Variants in ALS2CL observed in about 807,000 individuals in gnomAD.
ALS2CL encodes ALS2 C-terminal-like protein.
ALS2CL carries 112 observed loss-of-function variants against 127.9 expected under a neutral mutation model. That is an observed-to-expected ratio of 0.88 (90% CI 0.75 to 1.02). ALS2CL has a LOEUF of 1.02. Among genes scored for constraint, ALS2CL ranks in the 50% least tolerant of loss-of-function variants. ALS2CL has a pLI of 0.00. For synonymous variants in ALS2CL, 519 were observed against 527.6 expected (o/e 0.98, Z 0.22); for missense variants, 1,174 against 1,236.7 (o/e 0.95, Z 0.76).
intron 13 of ALS2CL, 114 bp from the exon 14 acceptor site, chr3:46,680,655 T>C: frequency 3.6e-6 from 3 of 833,392 alleles, no homozygotes; most frequent in South Asian, 1.6e-5. Context: ...TGACATCACC[T>C]GAATCCACTC....
chr3:46,688,805 C>A (rs1026088670), intron 2 of ALS2CL, among the ~76,000 whole-genome samples: 6 of 152,352 alleles, frequency 3.9e-5, no homozygotes, highest in African/African-American at 1.4e-4. Flanking sequence ...TAGGTGGGAG[C>A]AAGATGAAAA....
At chr3:46,692,072 G>A (rs189985510) in intron 1 of ALS2CL, among the ~76,000 whole-genome samples, 82 of 152,230 alleles carry the variant, frequency 5.4e-4, no homozygotes, top group Non-Finnish European at 1.0e-3. Flanking sequence ...ATAACCCTGG[G>A]AAACTGAGTC....
intron 19 of ALS2CL, 102 bp from the exon 20 acceptor site, chr3:46,675,788 G>T: frequency 6.3e-7 from 1 of 1,582,518 alleles, no homozygotes. Flanking sequence ...TCTCAGAACT[G>T]TGGACATGGC....
intron 25 of ALS2CL, 67 bp downstream of exon 25, chr3:46,671,421 G>A: frequency 1.2e-6 from 2 of 1,602,486 alleles, no homozygotes; most frequent in Non-Finnish European, 1.7e-6. Context: ...TGATGTCTGG[G>A]AAGGGAAAAG....
chr3:46,679,569 G>T (rs970894272), intron 14 of ALS2CL: 114 of 234,782 alleles, frequency 4.9e-4, no homozygotes, highest in African/African-American at 2.4e-3. Flanking sequence ...GGGAGCTCAA[G>T]AAATGTGGGG....
chr3:46,681,479 C>T lies in ALS2CL; in HGVS notation c.1274+21G>A, dbSNP rs775466488. On this transcript the variant is annotated intron_variant, in intron 12 of 25. Transcript: ENST00000318962. The surrounding 1 kb of genome is among the most constrained non-coding windows in gnomAD (Gnocchi z 4.9). ...CAGAGGATGGGCCCAGCCCATGAACCCCCCAGCCAGGGTCACTTACTCACA... is the reference window on the plus strand; with the variant it reads ...CAGAGGATGGGCCCAGCCCATGAACTCCCCAGCCAGGGTCACTTACTCACA... 9 of 1,613,874 alleles carry T rather than the reference C, an allele frequency of 5.6e-6. No homozygotes were observed. The South Asian group carries it at 7.7e-5, about 14-fold the overall frequency.
At chr3:46,677,319 G>T (rs1233447564) in intron 16 of ALS2CL, 12 of 1,242,264 alleles carry the variant, frequency 9.7e-6, no homozygotes, top group Non-Finnish European at 1.2e-5. Flanking sequence ...GCCAGAGAGG[G>T]GGTCTTGGTC....
chr3:46,671,178 G>T, intron 25 of ALS2CL, 114 bp from the exon 26 acceptor site: 1 of 1,174,520 alleles, frequency 8.5e-7, no homozygotes. Flanking sequence ...GAGGAGGCGT[G>T]TCTCCAACTC....
rs1225360556 is a variant in ALS2CL at position 46,673,374 on chromosome 3, A to G, written c.2437T>C (p.Trp813Arg). Residue 813 changes from tryptophan (W) to arginine (R), a missense_variant, in exon 22 of 26, where the codon TGG (tryptophan) becomes CGG (arginine). Trp to Arg is a moderately radical substitution (Grantham distance 101, BLOSUM62 -3). Coordinates refer to ENST00000318962, the MANE Select transcript of ALS2CL (RefSeq NM_147129.5). ...GTCAGCGTGAGGTCCTTGAGGGGCC[A>G]CAAGTGCCTGAAATTGAAAAAGTGA... Reference protein sequence around the residue: ...LEFLDVQKHLWPLKDLTLTSN... With the variant: ...LEFLDVQKHLRPLKDLTLTSN... 1 of 1,563,780 alleles carries G rather than the reference A, an allele frequency of 6.4e-7. No homozygotes were observed. Among genetic ancestry groups the G allele is most frequent in the Non-Finnish European group, 8.7e-7 (1 of 1,153,764 alleles).
Position 46,672,205 on chromosome 3 carries a change from C to A in ALS2CL, c.2473-4G>T. On this transcript the variant is annotated splice_region_variant and splice_polypyrimidine_tract_variant and intron_variant, in intron 22 of 25. Transcript: ENST00000318962. ...TGTCCCTGACCAGGGAGTACCTCTG[C>A]ATGGTGGAGGGAGTGGGCTGGATGA... 6.2e-7 allele frequency: 1 copy of A among 1,614,058 alleles called. No homozygotes were observed. Among genetic ancestry groups the A allele is most frequent in the South Asian group, 1.1e-5 (1 of 91,070 alleles).
intron 21 of ALS2CL, 77 bp from the exon 22 acceptor site, chr3:46,673,458 T>C (rs1395555499): frequency 7.0e-6 from 10 of 1,436,560 alleles, no homozygotes; most frequent in Admixed American, 2.0e-5. Context: ...AAATTCCCTA[T>C]GCCACTGTTT....
Position 46,673,345 on chromosome 3 carries a change from G to C in ALS2CL, c.2466C>G (p.Ser822Arg). 1 of 1,564,580 alleles carries C rather than the reference G, an allele frequency of 6.4e-7. No individual in the cohort carries two copies. The highest frequency in any genetic ancestry group is 8.7e-7 in the Non-Finnish European group (1 of 1,154,222). Residue 822 changes from serine to arginine, a missense_variant, in exon 22 of 26, where the codon AGC becomes AGG. Ser to Arg is a moderately radical substitution (Grantham distance 110). Transcript: ENST00000318962. ...LWPLKDLTLT[S>R]NQRYSLVRDK... Reference sequence around the variant, plus strand: ...GCTCTGGCCTCCCTCTCACCTGATTGCTCGTCAGCGTGAGGTCCTTGAGGG... The same window carrying C: ...GCTCTGGCCTCCCTCTCACCTGATTCCTCGTCAGCGTGAGGTCCTTGAGGG...
chr3:46,682,203 C>G, intron 10 of ALS2CL, 109 bp from the exon 11 acceptor site: 1 of 1,148,474 alleles, frequency 8.7e-7, no homozygotes, highest in South Asian at 1.4e-5. Flanking sequence ...ACTGGGCTCC[C>G]TGCACCCACC....
chr3:46,671,876 T>C lies in ALS2CL; in HGVS notation c.2684+8A>G, dbSNP rs779267994. 6.2e-7 allele frequency: 1 copy of C among 1,613,520 alleles called. No individual in the cohort carries two copies. Among genetic ancestry groups the C allele is most frequent in the Non-Finnish European group, 8.5e-7 (1 of 1,179,948 alleles). ...CTGCCCTGCACCCCCAGCTCCTGAC[T>C]GCCTCACCGGGCGCGCGACACCACG... is the stretch of plus-strand genomic sequence containing the variant. On this transcript the variant is annotated splice_region_variant and intron_variant, in intron 24 of 25. Transcript: ENST00000318962.
chr3:46,692,050 C>G (rs1205438940), intron 1 of ALS2CL, among the ~76,000 whole-genome samples: 1 of 152,062 alleles, frequency 6.6e-6, no homozygotes, highest in Non-Finnish European at 1.5e-5. Context: ...ATCTGTGGCC[C>G]CAAAGGGATC....
rs1003553044 is a variant in ALS2CL, at chr3:46,675,545, A to G, written c.2255+73T>C. ...TTCCCCAGAAGCACCTCTTTCCCCA[A>G]GGGAGGTCCTAGGAGCAGACGCATG... On this transcript the variant is annotated intron_variant, in intron 20 of 25. Coordinates refer to ENST00000318962, the MANE Select transcript of ALS2CL (RefSeq NM_147129.5). 1.3e-5 allele frequency: 19 copies of G among 1,431,104 alleles called. No homozygotes were observed. The African/African-American group carries it at 2.3e-4, about 17-fold the overall frequency. 88.7% of individuals were successfully genotyped at this position (1,431,104 alleles called of 1,614,324 possible). A position where few individuals can be genotyped will look rare whatever the true frequency, so the allele number is the denominator to read the frequency against.
Position 46,676,414 on chromosome 3 carries a change from C to T in ALS2CL, c.2029-12G>A, listed in dbSNP as rs768731239. 37 of 1,613,676 alleles carry T rather than the reference C, an allele frequency of 2.3e-5. 1 individual carries two copies. The South Asian group carries it at 4.0e-4, about 17-fold the overall frequency. The stretch of plus-strand genomic sequence containing the variant: ...GAGTTGCTCAGAGCCTGGGCCAGTG[C>T]ATAGGCAACAGAGAGAGACTAAGCA... On this transcript the variant is annotated splice_polypyrimidine_tract_variant and intron_variant, in intron 18 of 25. Coordinates refer to ENST00000318962, the MANE Select transcript of ALS2CL (RefSeq NM_147129.5).
intron 14 of ALS2CL, 158 bp downstream of exon 14, chr3:46,680,271 GT>G: frequency 1.4e-6 from 1 of 710,812 alleles, no homozygotes; most frequent in Non-Finnish European, 2.3e-6. Context: ...GGGGAGGTGG[GT>G]GGTAGAGCTG....
intron 21 of ALS2CL, among the ~76,000 whole-genome samples, chr3:46,673,741 C>CA (rs1037695551): frequency 6.6e-6 from 1 of 152,040 alleles, no homozygotes; most frequent in African/African-American, 2.4e-5. Flanking sequence ...GGGGAAGCGA[C>CA]ACTGAGGTGG....
Sources: gnomAD v4.1 joint callset for allele counts (sites outside exome capture counted in the v4.1 genomes callset) on GRCh38, gnomAD v4.1.1 for gene constraint, Gnocchi (gnomAD v3.1) non-coding constraint, MANE v1.5 for transcripts, NCBI Gene and HGNC (gene_info 2026-07-23, HGNC 2026-07-21) for gene names.